The following ZNF114 variants were observed in gnomAD, a reference collection of about 807,000 sequenced individuals.
ZNF114 encodes the protein zinc finger protein 114, also known as zinc finger protein 114 (Y18).
ZNF114 carries 8 observed loss-of-function variants against 6.8 expected under a neutral mutation model. That is an observed-to-expected ratio of 1.18 (90% CI 0.69 to 2.13). ZNF114 has a LOEUF of 2.13. Ranked by LOEUF, ZNF114 falls within the 30% of genes most tolerant of loss-of-function variation. The probability of loss-of-function intolerance (pLI) is 0.00; values close to 1 mark genes in which losing one functional copy is unlikely to be tolerated. For missense variants in ZNF114, 472 were observed against 519.5 expected, an observed-to-expected ratio of 0.91 and a Z score of 0.89; for synonymous variants, 169 against 185.5, an observed-to-expected ratio of 0.91 and a Z score of 0.72.
chr19:48,270,218 T>C lies in ZNF114; in HGVS notation c.-378T>C, dbSNP rs1417425509. ...GAGTTCGAGACGAGTCTGGGCAGCATAGTGAGTTTTCATCTCTAAAAAAAA... is the reference window on the plus strand; with the variant it reads ...GAGTTCGAGACGAGTCTGGGCAGCACAGTGAGTTTTCATCTCTAAAAAAAA... On this transcript the variant is annotated splice_region_variant and 5_prime_UTR_variant, in exon 1 of 6. Transcript: ENST00000595607. The C allele has an allele frequency of 6.6e-6, 1 of 150,810 alleles. No homozygotes were observed. The highest frequency in any genetic ancestry group is 2.4e-5 in the African/African-American group (1 of 40,884). The allele number at this position is 150,810 out of a possible 1,614,324, so 9.3% of individuals were successfully genotyped here.
chr19:48,270,392 A>G (rs1308844402), intron 1 of ZNF114, among the ~76,000 whole-genome samples, 173 bp downstream of exon 1: 2 of 118,836 alleles, frequency 1.7e-5, no homozygotes, highest in African/African-American at 2.9e-5. Context: ...AACTTGTCTC[A>G]GAAAAAAAAA....
At position 48,286,932 on chromosome 19, in the gene ZNF114, A is replaced by G. The variant is rs1454659674; in HGVS notation, c.*54A>G. 6.6e-7 allele frequency: 1 copy of G among 1,513,552 alleles called. No homozygotes were observed. The highest frequency in any genetic ancestry group is 8.8e-7 in the Non-Finnish European group (1 of 1,135,482). The allele number at this position is 1,513,552 out of a possible 1,614,324, so 93.8% of individuals were successfully genotyped here. Reference sequence around the variant, plus strand: ...TTCTGACTGTACCAAACATGTGAGGAGGACATATTGGAAGGGAGCTCAAGG... The same window carrying G: ...TTCTGACTGTACCAAACATGTGAGGGGGACATATTGGAAGGGAGCTCAAGG... On this transcript the variant is annotated 3_prime_UTR_variant, in exon 6 of 6. Coordinates refer to ENST00000595607, the MANE Select transcript of ZNF114 (RefSeq NM_153608.4).
At chr19:48,276,722 C>T (rs1249089827) in intron 3 of ZNF114, among the ~76,000 whole-genome samples, 8 of 152,192 alleles carry the variant, frequency 5.3e-5, no homozygotes, top group African/African-American at 1.4e-4. Flanking sequence ...TGGGGCCTCG[C>T]TATGTTGCCC....
chr19:48,280,796 G>A (rs540139386), intron 4 of ZNF114, among the ~76,000 whole-genome samples: 3 of 151,796 alleles, frequency 2.0e-5, no homozygotes, highest in South Asian at 2.1e-4. Flanking sequence ...TAGGTGATCC[G>A]CCCACCTCGG....
At position 48,277,794 on chromosome 19, in the gene ZNF114, G is replaced by GGGGGGTGTGTGTGT. The variant is rs1330052475; in HGVS notation, c.-69-1936_-69-1935insGGGGTGTGTGTGTG. ...GAATAGACTGACCAGGGAGGCATTG[G>GGGGGGTGTGTGTGT]GTGTGTGTGTGTGTGTGTGTGTGTG... On this transcript the variant is annotated intron_variant, in intron 3 of 5. Transcript: ENST00000595607. Among the ~76,000 whole-genome samples, 35 of 119,410 alleles carry GGGGGGTGTGTGTGT rather than the reference G, an allele frequency of 2.9e-4. 1 individual carries two copies. Among genetic ancestry groups the GGGGGGTGTGTGTGT allele is most frequent in the South Asian group, 1.6e-3 (5 of 3,216 alleles). 78.3% of individuals were successfully genotyped at this position (119,410 alleles called of 152,430 possible). A position where few individuals can be genotyped will look rare whatever the true frequency, so the allele number is the denominator to read the frequency against.
chr19:48,272,792 CTT>C (rs1170280344), intron 3 of ZNF114, among the ~76,000 whole-genome samples: 1,012 of 83,742 alleles, frequency 0.012, 3 homozygotes, highest in Middle Eastern at 0.027. Context: ...CGAGAAAGAG[CTT>C]TTTTTTTTTT....
At chr19:48,274,180 CAT>C (rs1180224708) in intron 3 of ZNF114, among the ~76,000 whole-genome samples, 2 of 151,356 alleles carry the variant, frequency 1.3e-5, no homozygotes, top group Admixed American at 6.6e-5. Flanking sequence ...AGCTTTTTCT[CAT>C]ATGATTAATT....
In ZNF114 at chr19:48,286,759, A is replaced by G; in HGVS notation, c.1135A>G (p.Ile379Val). 2 of 1,613,852 alleles carry G rather than the reference A, an allele frequency of 1.2e-6. No homozygotes were observed. Among genetic ancestry groups the G allele is most frequent in the Non-Finnish European group, 1.7e-6 (2 of 1,179,968 alleles). ...TCGGGAGTCCTCAAAATATACACATATAAGGAGCCACACTGGAGAGAAACC... is the reference window on the plus strand; with the variant it reads ...TCGGGAGTCCTCAAAATATACACATGTAAGGAGCCACACTGGAGAGAAACC... ...VIRESSKYTH[I>V]RSHTGEKPYK... is the part of the protein sequence containing the mutation. Residue 379 changes from isoleucine (I) to valine (V), a missense_variant, in exon 6 of 6, where the codon ATA becomes GTA. Coordinates refer to ENST00000595607, the MANE Select transcript of ZNF114 (RefSeq NM_153608.4).
chr19:48,271,505 G>A (rs1027584707), intron 2 of ZNF114, 56 bp downstream of exon 2: 6 of 138,582 alleles, frequency 4.3e-5, no homozygotes, highest in Non-Finnish European at 7.9e-5. Context: ...CTCTGGGGTC[G>A]GGTCGATCGG....
chr19:48,273,638 C>G (rs1967738319), intron 3 of ZNF114, among the ~76,000 whole-genome samples: 1 of 151,768 alleles, frequency 6.6e-6, no homozygotes, highest in Non-Finnish European at 1.5e-5. Context: ...ACTATAAGGT[C>G]AAGATAGACG....
At chr19:48,284,926 C>T (rs1236525678) in intron 5 of ZNF114, among the ~76,000 whole-genome samples, 1 of 152,114 alleles carries the variant, frequency 6.6e-6, no homozygotes, top group Non-Finnish European at 1.5e-5. Context: ...CACTGCACTC[C>T]AGCACCTGGG....
In ZNF114 at chr19:48,285,777, T is replaced by C. The variant is rs1333043658; in HGVS notation, c.153T>C (p.Cys51=). 6.2e-7 allele frequency: 1 copy of C among 1,607,424 alleles called. No homozygotes were observed. The stretch of plus-strand genomic sequence containing the variant: ...GTATTTCAGATTGGGCAACTCCATG[T>C]AAAACCAAAGACGCAACCCCTCAGC... ...NLAFIDWATP[C]KTKDATPQPD... Residue 51 remains cysteine, a synonymous_variant, in exon 6 of 6, where the codon TGT becomes TGC. Transcript: ENST00000595607.
intron 5 of ZNF114, among the ~76,000 whole-genome samples, chr19:48,283,874 T>A (rs4802461): frequency 6.6e-6 from 1 of 152,026 alleles, no homozygotes; most frequent in Admixed American, 6.6e-5. Flanking sequence ...GCTGGGATTA[T>A]AGACATGCAC....
At chr19:48,278,288 C>T (rs1967901641) in intron 3 of ZNF114, among the ~76,000 whole-genome samples, 1 of 152,124 alleles carries the variant, frequency 6.6e-6, no homozygotes, top group African/African-American at 2.4e-5. Flanking sequence ...TATTCACAGA[C>T]GTGTACGTCC....
chr19:48,279,915 G>A (rs528594978), intron 4 of ZNF114, 107 bp downstream of exon 4: 70 of 1,546,470 alleles, frequency 4.5e-5, no homozygotes, highest in Non-Finnish European at 6.1e-5. Context: ...GCCAGGCAGG[G>A]CCCCCCGCCA....
At chr19:48,275,222 G>A (rs1174125861) in intron 3 of ZNF114, among the ~76,000 whole-genome samples, 1 of 143,092 alleles carries the variant, frequency 7.0e-6, no homozygotes, top group African/African-American at 2.6e-5. Flanking sequence ...GAAAGAGAGA[G>A]GGAAGGAAGG....
At chr19:48,275,843 G>T (rs923335424) in intron 3 of ZNF114, among the ~76,000 whole-genome samples, 23 of 151,374 alleles carry the variant, frequency 1.5e-4, no homozygotes, top group Non-Finnish European at 4.4e-5. Flanking sequence ...TTAGCAGGGC[G>T]CAGTGGCGGG....
rs869238604 is a variant in ZNF114, at chr19:48,281,894, C to CTTT, written c.10-457_10-455dup. Reference sequence around the variant, plus strand: ...CACCCAACCCCCAGTACAACCTCATCTTTTTTTTTTTTTTTTTTTTTTGAG... The same window carrying CTTT: ...CACCCAACCCCCAGTACAACCTCATCTTTTTTTTTTTTTTTTTTTTTTTTTGAG... On this transcript the variant is annotated intron_variant, in intron 4 of 5. Transcript: ENST00000595607. 4.7e-3 allele frequency among the ~76,000 whole-genome samples: 422 copies of CTTT among 90,380 alleles called. 1 individual carries two copies. Among genetic ancestry groups the CTTT allele is most frequent in the Non-Finnish European group, 6.0e-3 (298 of 49,630 alleles). 59.3% of individuals were successfully genotyped at this position (90,380 alleles called of 152,430 possible). A position where few individuals can be genotyped will look rare whatever the true frequency, so the allele number is the denominator to read the frequency against.
intron 3 of ZNF114, 88 bp from the exon 4 acceptor site, chr19:48,279,643 A>T (rs1190808773): frequency 2.3e-6 from 2 of 865,284 alleles, no homozygotes; most frequent in Non-Finnish European, 3.7e-6. Flanking sequence ...GTGCATTTAT[A>T]TGCTGAGATT....
Sources: allele counts gnomAD v4.1 joint callset (sites outside exome capture counted in the v4.1 genomes callset), GRCh38; gene constraint gnomAD v4.1.1; transcripts MANE v1.5; gene names NCBI Gene and HGNC (gene_info 2026-07-23, HGNC 2026-07-21).